SH3RF3: variants seen among roughly 807,000 people sequenced by gnomAD.
The protein encoded by SH3RF3 is E3 ubiquitin-protein ligase SH3RF3.
A neutral mutation model predicts 66.3 loss-of-function variants in SH3RF3; 29 were observed. The observed-to-expected ratio is 0.44, with a 90% CI of 0.33 to 0.60. SH3RF3 has a LOEUF of 0.60. Ranked by LOEUF, SH3RF3 falls within the 20% of genes least tolerant of loss-of-function variation. The pLI, the probability that SH3RF3 is intolerant of heterozygous loss-of-function variation, is 0.04. For missense variants in SH3RF3, 1,194 were observed against 1,190.9 expected (o/e 1.00, Z -0.04); for synonymous variants, 583 against 532.0 (o/e 1.10, Z -1.32).
chr2:109,162,043 C>G lies in SH3RF3; in HGVS notation c.573+31930C>G, dbSNP rs552168196. ...CAGCCCCCTCCTTGGGATGTGTCCT[C>G]AGGATCTAGAGGGAGTTTATGGATG... On this transcript the variant is annotated intron_variant, in intron 1 of 9. Transcript: ENST00000309415. Among the ~76,000 whole-genome samples, 5 of 152,252 alleles carry G rather than the reference C, an allele frequency of 3.3e-5. No individual in the cohort carries two copies. The South Asian group carries it at 8.3e-4, about 25-fold the overall frequency.
intron 2 of SH3RF3, among the ~76,000 whole-genome samples, chr2:109,362,086 CTTTTA>C (rs1036334877): frequency 4.6e-5 from 7 of 151,678 alleles, no homozygotes; most frequent in African/African-American, 9.7e-5. Flanking sequence ...TCTTCTATTT[CTTTTA>C]TTTTATTTAT....
chr2:109,482,808 G>T (rs1247359007), intron 8 of SH3RF3, among the ~76,000 whole-genome samples: 3 of 152,172 alleles, frequency 2.0e-5, no homozygotes, highest in African/African-American at 7.2e-5. Context: ...CGATGCGGCG[G>T]TCACGTCTTC....
intron 8 of SH3RF3, among the ~76,000 whole-genome samples, chr2:109,475,001 C>T (rs1436909308): frequency 2.6e-5 from 4 of 152,084 alleles, no homozygotes; most frequent in East Asian, 3.9e-4. Context: ...TTTTTTGAGA[C>T]GGAGTCTCGC....
intron 3 of SH3RF3, among the ~76,000 whole-genome samples, chr2:109,376,909 T>C (rs1314055452): frequency 6.6e-6 from 1 of 152,190 alleles, no homozygotes; most frequent in African/African-American, 2.4e-5. Context: ...GACCATCCTG[T>C]GCCTAGATAG....
rs1279148591 is a variant in SH3RF3 at position 109,504,110 on chromosome 2, G to A, written c.*2439G>A. On this transcript the variant is annotated 3_prime_UTR_variant, in exon 10 of 10. Transcript: ENST00000309415. Reference sequence around the variant, plus strand: ...GTTCAGGCCCTGCAGCCTTCATGATGATGTAGCTCGCAGAGAAGAGCAGGA... The same window carrying A: ...GTTCAGGCCCTGCAGCCTTCATGATAATGTAGCTCGCAGAGAAGAGCAGGA... 6.6e-6 allele frequency: 1 copy of A among 152,240 alleles called. No homozygotes were observed. The highest frequency in any genetic ancestry group is 1.5e-5 in the Non-Finnish European group (1 of 68,040). 9.4% of individuals were successfully genotyped at this position (152,240 alleles called of 1,614,324 possible).
intron 1 of SH3RF3, among the ~76,000 whole-genome samples, chr2:109,316,875 A>G (rs1038257828): frequency 1.3e-5 from 2 of 152,176 alleles, no homozygotes; most frequent in Non-Finnish European, 2.9e-5. Flanking sequence ...CGTTCTCCAG[A>G]ACATCATACA....
chr2:109,217,757 T>C (rs1357467311), intron 1 of SH3RF3, among the ~76,000 whole-genome samples: 2 of 152,134 alleles, frequency 1.3e-5, no homozygotes, highest in South Asian at 2.1e-4. Flanking sequence ...ACTCAACTAA[T>C]AGATCATTCT....
intron 8 of SH3RF3, among the ~76,000 whole-genome samples, chr2:109,490,020 G>C (rs895404661): frequency 6.6e-6 from 1 of 152,154 alleles, no homozygotes; most frequent in African/African-American, 2.4e-5. Context: ...TTACAGGCAT[G>C]AGCCACCGTG....
intron 1 of SH3RF3, among the ~76,000 whole-genome samples, chr2:109,174,110 A>AG (rs1032365156): frequency 6.6e-6 from 1 of 152,232 alleles, no homozygotes; most frequent in Non-Finnish European, 1.5e-5. Context: ...CAGTGGCTTC[A>AG]GGACAGCAGG....
intron 2 of SH3RF3, among the ~76,000 whole-genome samples, chr2:109,355,946 A>G (rs1189540529): frequency 6.6e-6 from 1 of 152,146 alleles, no homozygotes. Context: ...AGCCATGAAA[A>G]GTTGCCATTG....
At chr2:109,256,392 T>C (rs1680222270) in intron 1 of SH3RF3, among the ~76,000 whole-genome samples, 2 of 152,142 alleles carry the variant, frequency 1.3e-5, no homozygotes, top group African/African-American at 4.8e-5. Context: ...TGAGCGGCAA[T>C]GCGATGTCCT....
At chr2:109,296,841 A>G (rs914935215) in intron 1 of SH3RF3, among the ~76,000 whole-genome samples, 1 of 152,130 alleles carries the variant, frequency 6.6e-6, no homozygotes, top group Non-Finnish European at 1.5e-5. Flanking sequence ...GTGGCCCCCA[A>G]GGCGTCTCAC....
chr2:109,281,808 G>A (rs1261400846), intron 1 of SH3RF3, among the ~76,000 whole-genome samples: 1 of 152,112 alleles, frequency 6.6e-6, no homozygotes, highest in African/African-American at 2.4e-5. Context: ...ACTGACTGTC[G>A]GGGGCACGCT....
intron 1 of SH3RF3, among the ~76,000 whole-genome samples, chr2:109,282,756 A>G (rs1046686767): frequency 2.6e-5 from 4 of 152,198 alleles, no homozygotes; most frequent in Middle Eastern, 3.2e-3. Flanking sequence ...AGAACGGCCA[A>G]AGGAGAAAGC....
intron 1 of SH3RF3, among the ~76,000 whole-genome samples, chr2:109,255,510 G>A (rs1680203067): frequency 6.6e-6 from 1 of 152,160 alleles, no homozygotes; most frequent in African/African-American, 2.4e-5. Context: ...TCACAGAAGA[G>A]GCAAAATTAG....
At chr2:109,453,905 T>C (rs980114857) in intron 8 of SH3RF3, among the ~76,000 whole-genome samples, 26 of 152,272 alleles carry the variant, frequency 1.7e-4, no homozygotes, top group African/African-American at 6.0e-4. Flanking sequence ...CCAGGGGACA[T>C]GGCCCGAAGA....
intron 3 of SH3RF3, among the ~76,000 whole-genome samples, chr2:109,382,706 G>T (rs1033897299): frequency 2.0e-5 from 3 of 152,174 alleles, no homozygotes; most frequent in Admixed American, 6.5e-5. Flanking sequence ...AGGGGAAGAG[G>T]AAGGCTCCAT....
At chr2:109,495,380 T>C (rs1294944290) in intron 9 of SH3RF3, among the ~76,000 whole-genome samples, 1 of 152,012 alleles carries the variant, frequency 6.6e-6, no homozygotes, top group Non-Finnish European at 1.5e-5. Flanking sequence ...TCCTGGCTCT[T>C]CTGCACCTTG....
At chr2:109,434,385 A>G (rs1677339386) in intron 6 of SH3RF3, among the ~76,000 whole-genome samples, 1 of 152,062 alleles carries the variant, frequency 6.6e-6, no homozygotes, top group Admixed American at 6.5e-5. Context: ...TTCTTCCTTT[A>G]TCTTTACCTG....
Sources: gnomAD v4.1 joint callset for allele counts (sites outside exome capture counted in the v4.1 genomes callset) on GRCh38, gnomAD v4.1.1 for gene constraint, MANE v1.5 for transcripts, NCBI Gene and HGNC (gene_info 2026-07-23, HGNC 2026-07-21) for gene names.